KCND3: variants seen among roughly 807,000 people sequenced by gnomAD.
The protein encoded by KCND3 is A-type voltage-gated potassium channel KCND3.
KCND3 carries 9 observed loss-of-function variants against 51.1 expected under a neutral mutation model. That is an observed-to-expected ratio of 0.18 (90% CI 0.11 to 0.31). The LOEUF is 0.31. Among genes scored for constraint, KCND3 ranks in the 10% least tolerant of loss-of-function variants. The pLI is 1.00. For synonymous variants in KCND3, 349 were observed against 368.0 expected (o/e 0.95, Z 0.59); for missense variants, 526 against 903.8 (o/e 0.58, Z 5.36).
chr1:111,812,219 C>T (rs1325649213), intron 2 of KCND3, among the ~76,000 whole-genome samples: 1 of 152,200 alleles, frequency 6.6e-6, no homozygotes, highest in Admixed American at 6.5e-5. Context: ...AGGCCAACTC[C>T]CCGGCTCCAC....
chr1:111,958,280 G>T lies in KCND3; in HGVS notation c.1106+23341C>A, dbSNP rs539784526. On this transcript the variant is annotated intron_variant, in intron 2 of 7. Coordinates refer to ENST00000302127, the MANE Select transcript of KCND3 (RefSeq NM_001378969.1). ...ACCAGGCTGTTCTCGTCCCCGCTGG[G>T]GTTCCATGGCTAATCTGCTCCAGAA... 1.7e-3 allele frequency among the ~76,000 whole-genome samples: 264 copies of T among 152,272 alleles called. 1 individual carries two copies. Among genetic ancestry groups the T allele is most frequent in the Non-Finnish European group, 3.2e-3 (215 of 68,024 alleles).
rs182062434 is a variant in KCND3, at chr1:111,801,091, C to T, written c.1107-13985G>A. Among the ~76,000 whole-genome samples the T allele has an allele frequency of 4.0e-3, 605 of 152,350 alleles. 3 individuals carry two copies. The highest frequency in any genetic ancestry group is 0.013 in the African/African-American group (552 of 41,574). On this transcript the variant is annotated intron_variant, in intron 2 of 7. Transcript: ENST00000302127. ...CTTCTCCCCGGGGCTGCTTCTCAGC[C>T]TTCTGCCACCCTAGGCTAGCACACA...
intron 2 of KCND3, among the ~76,000 whole-genome samples, chr1:111,917,292 C>T (rs1282034079): frequency 6.6e-6 from 1 of 152,138 alleles, no homozygotes; most frequent in Non-Finnish European, 1.5e-5. Flanking sequence ...AGGATGCAAA[C>T]TGGAAATAAG....
intron 2 of KCND3, among the ~76,000 whole-genome samples, chr1:111,959,056 T>C (rs1337490550): frequency 2.0e-5 from 3 of 152,038 alleles, no homozygotes; most frequent in Admixed American, 2.0e-4. Context: ...ACTCACAGAG[T>C]CAGCCAGACT....
At chr1:111,928,906 C>G (rs1671832920) in intron 2 of KCND3, among the ~76,000 whole-genome samples, 1 of 152,198 alleles carries the variant, frequency 6.6e-6, no homozygotes, top group South Asian at 2.1e-4. Flanking sequence ...AATATCTGCT[C>G]TGCAGACATG....
At chr1:111,855,257 C>T (rs1668011671) in intron 2 of KCND3, among the ~76,000 whole-genome samples, 1 of 152,214 alleles carries the variant, frequency 6.6e-6, no homozygotes, top group Non-Finnish European at 1.5e-5. Flanking sequence ...TCCAGTTGGG[C>T]AGCCTCCAGT....
chr1:111,881,157 C>G (rs1669289286), intron 2 of KCND3, among the ~76,000 whole-genome samples: 1 of 152,230 alleles, frequency 6.6e-6, no homozygotes, highest in Non-Finnish European at 1.5e-5. Context: ...TGGCTTGACT[C>G]CATCCAGGCC....
intron 2 of KCND3, among the ~76,000 whole-genome samples, chr1:111,827,255 T>C (rs1468859475): frequency 1.3e-5 from 2 of 152,194 alleles, no homozygotes; most frequent in Non-Finnish European, 2.9e-5. Flanking sequence ...ACGGTTGGAA[T>C]TGCCCATGAG....
intron 2 of KCND3, among the ~76,000 whole-genome samples, chr1:111,805,114 C>A (rs560020004): frequency 5.3e-5 from 8 of 152,202 alleles, no homozygotes; most frequent in East Asian, 3.8e-4. Context: ...GAGGAAAGGG[C>A]GGCCTAAGCT....
At chr1:111,833,524 A>G (rs542721419) in intron 2 of KCND3, among the ~76,000 whole-genome samples, 49 of 152,248 alleles carry the variant, frequency 3.2e-4, no homozygotes, top group Non-Finnish European at 5.1e-4. Context: ...ATCATGCTCA[A>G]AATAAGAAAT....
intron 2 of KCND3, chr1:111,856,718 C>T (rs1668089982): frequency 6.6e-6 from 1 of 152,348 alleles, no homozygotes; most frequent in Non-Finnish European, 1.5e-5. Context: ...GCACTGGTTC[C>T]AAGCCCCAAG....
intron 2 of KCND3, among the ~76,000 whole-genome samples, chr1:111,804,025 G>A (rs1229164077): frequency 3.3e-5 from 5 of 152,066 alleles, no homozygotes; most frequent in South Asian, 2.1e-4. Flanking sequence ...TTATAATAGC[G>A]CTTATAGAAG....
intron 2 of KCND3, among the ~76,000 whole-genome samples, chr1:111,956,728 G>A (rs2101919558): frequency 6.6e-6 from 1 of 152,274 alleles, no homozygotes; most frequent in East Asian, 1.9e-4. Flanking sequence ...GAGAAAAGCA[G>A]GCGCAGACCT....
At chr1:111,960,658 T>A (rs1673598654) in intron 2 of KCND3, among the ~76,000 whole-genome samples, 1 of 152,178 alleles carries the variant, frequency 6.6e-6, no homozygotes, top group Admixed American at 6.5e-5. Flanking sequence ...ATGTTAACCA[T>A]ACAGGCTGAG....
intron 2 of KCND3, among the ~76,000 whole-genome samples, chr1:111,968,616 G>A (rs531851847): frequency 3.3e-5 from 5 of 152,018 alleles, no homozygotes; most frequent in Admixed American, 2.0e-4. Context: ...CCCTACCCCC[G>A]GCCCCATCTC....
intron 2 of KCND3, among the ~76,000 whole-genome samples, chr1:111,958,510 G>A (rs1673456970): frequency 6.6e-6 from 1 of 152,220 alleles, no homozygotes; most frequent in African/African-American, 2.4e-5. Flanking sequence ...TAGGGAACTA[G>A]GGAGCAGGAA....
chr1:111,891,474 A>C (rs1016332985), intron 2 of KCND3, among the ~76,000 whole-genome samples: 1 of 152,224 alleles, frequency 6.6e-6, no homozygotes, highest in Non-Finnish European at 1.5e-5. Flanking sequence ...GTCATGCAAG[A>C]GGCACAGTAC....
intron 2 of KCND3, among the ~76,000 whole-genome samples, chr1:111,845,580 G>A (rs959903827): frequency 6.6e-6 from 1 of 151,968 alleles, no homozygotes; most frequent in African/African-American, 2.4e-5. Context: ...TTCCCTTCCA[G>A]TTATTTAAGT....
At chr1:111,789,928 G>T (rs932255516) in intron 2 of KCND3, among the ~76,000 whole-genome samples, 5 of 152,108 alleles carry the variant, frequency 3.3e-5, no homozygotes, top group Non-Finnish European at 7.4e-5. Context: ...AGCAGGGTTT[G>T]CACAACCATC....
Sources: gnomAD v4.1 joint callset for allele counts (sites outside exome capture counted in the v4.1 genomes callset) on GRCh38, gnomAD v4.1.1 for gene constraint, MANE v1.5 for transcripts, NCBI Gene and HGNC (gene_info 2026-07-23, HGNC 2026-07-21) for gene names.